ZNF804B: variants seen among roughly 807,000 people sequenced by gnomAD.
ZNF804B encodes zinc finger 804B.
ZNF804B carries 80 observed loss-of-function variants against 101.4 expected under a neutral mutation model. The observed-to-expected ratio is 0.79, with a 90% CI of 0.66 to 0.95. The LOEUF is 0.95. Among genes scored for constraint, ZNF804B ranks in the 40% least tolerant of loss-of-function variants. ZNF804B has a pLI of 0.00. For synonymous variants in ZNF804B, 622 were observed against 558.8 expected, an observed-to-expected ratio of 1.11 and a Z score of -1.59; for missense variants, 1,673 against 1,561.9, an observed-to-expected ratio of 1.07 and a Z score of -1.20.
intron 2 of ZNF804B, among the ~76,000 whole-genome samples, chr7:89,322,822 A>G (rs1195109150): frequency 2.0e-5 from 3 of 152,188 alleles, no homozygotes; most frequent in Non-Finnish European, 4.4e-5. Flanking sequence ...CCAGGAAAAC[A>G]TGGCTTCAGT....
At chr7:88,979,722 C>A (rs1793668924) in intron 1 of ZNF804B, among the ~76,000 whole-genome samples, 2 of 150,568 alleles carry the variant, frequency 1.3e-5, no homozygotes, top group South Asian at 4.2e-4. Flanking sequence ...TGTTCTATAA[C>A]CTTCTTGTAC....
intron 1 of ZNF804B, among the ~76,000 whole-genome samples, chr7:89,195,094 G>T (rs1406878899): frequency 2.0e-5 from 3 of 151,314 alleles, no homozygotes; most frequent in Non-Finnish European, 4.4e-5. Flanking sequence ...AAAACCACAT[G>T]ATTATCTCAA....
intron 1 of ZNF804B, among the ~76,000 whole-genome samples, chr7:88,778,724 C>T (rs1468404536): frequency 6.6e-6 from 1 of 152,176 alleles, no homozygotes; most frequent in African/African-American, 2.4e-5. Flanking sequence ...CCCTGCACTT[C>T]TCTTACCACT....
chr7:88,937,115 C>CAAAAAAAA lies in ZNF804B; in HGVS notation c.108+177042_108+177049dup, dbSNP rs3034325. ...TGCTTTGAAAAAACTATGAGAATAG[C>CAAAAAAAA]AAAAAAAAAAAAAAAAAAGTATTAT... On this transcript the variant is annotated intron_variant, in intron 1 of 3. Coordinates refer to ENST00000333190, the MANE Select transcript of ZNF804B (RefSeq NM_181646.5). Among the ~76,000 whole-genome samples, 17 of 110,920 alleles carry CAAAAAAAA rather than the reference C, an allele frequency of 1.5e-4. 1 individual carries two copies. The highest frequency in any genetic ancestry group is 5.8e-4 in the African/African-American group (17 of 29,134). 72.8% of individuals were successfully genotyped at this position (110,920 alleles called of 152,430 possible).
At chr7:89,056,393 G>A (rs969641934) in intron 1 of ZNF804B, among the ~76,000 whole-genome samples, 1 of 152,036 alleles carries the variant, frequency 6.6e-6, no homozygotes, top group African/African-American at 2.4e-5. Flanking sequence ...TGTATGTTTA[G>A]AAGTAAAATC....
intron 1 of ZNF804B, among the ~76,000 whole-genome samples, chr7:89,080,734 A>C (rs1029119710): frequency 1.3e-5 from 2 of 151,940 alleles, no homozygotes; most frequent in Admixed American, 1.3e-4. Flanking sequence ...ATCCCAAGGA[A>C]TAGGAGGTGA....
chr7:89,148,286 A>C lies in ZNF804B; in HGVS notation c.109-69869A>C, dbSNP rs1255989670. 2.0e-5 allele frequency among the ~76,000 whole-genome samples: 3 copies of C among 152,056 alleles called. No individual in the cohort carries two copies. The East Asian group carries it at 5.8e-4, about 29-fold the overall frequency. On this transcript the variant is annotated intron_variant, in intron 1 of 3. Coordinates refer to ENST00000333190, the MANE Select transcript of ZNF804B (RefSeq NM_181646.5). The stretch of plus-strand genomic sequence containing the variant: ...CCACCTCACACATAGTACTCTTCCA[A>C]AATTATTAGCTATTATTAGTGATTA...
intron 1 of ZNF804B, among the ~76,000 whole-genome samples, chr7:88,834,422 G>A (rs1791178605): frequency 6.6e-6 from 1 of 151,682 alleles, no homozygotes; most frequent in African/African-American, 2.4e-5. Context: ...AGAAAAACTA[G>A]TCATCTCCAG....
At chr7:89,180,535 C>A (rs746626778) in intron 1 of ZNF804B, among the ~76,000 whole-genome samples, 8 of 152,002 alleles carry the variant, frequency 5.3e-5, no homozygotes, top group Non-Finnish European at 7.4e-5. Context: ...GGGCTCCCTC[C>A]TGGCTCAAGG....
chr7:89,234,252 T>C (rs1789244619), intron 2 of ZNF804B, among the ~76,000 whole-genome samples: 1 of 152,098 alleles, frequency 6.6e-6, no homozygotes. Context: ...TATACTTCTG[T>C]GATATTCCCT....
chr7:89,050,352 C>A lies in ZNF804B; in HGVS notation c.109-167803C>A, dbSNP rs183780413. 2.3e-3 allele frequency among the ~76,000 whole-genome samples: 348 copies of A among 152,158 alleles called. 3 individuals carry two copies. The highest frequency in any genetic ancestry group is 8.0e-3 in the African/African-American group (333 of 41,528). ...ATGGGATCAGAGTCTTAAAATAAAT[C>A]AATATTCATGTGGTCTAAAATGATT... On this transcript the variant is annotated intron_variant, in intron 1 of 3. Transcript: ENST00000333190.
At position 89,336,323 on chromosome 7, in the gene ZNF804B, T is replaced by G; in HGVS notation, c.3341T>G (p.Ile1114Arg). 6.2e-7 allele frequency: 1 copy of G among 1,613,910 alleles called. No homozygotes were observed. Among genetic ancestry groups the G allele is most frequent in the Non-Finnish European group, 8.5e-7 (1 of 1,179,974 alleles). The change falls in exon 4 of 4, where the codon ATA becomes AGA. Residue 1114 changes from isoleucine to arginine, a missense_variant. Physicochemically the swap from Ile to Arg is moderately conservative, Grantham distance 97. Coordinates refer to ENST00000333190, the MANE Select transcript of ZNF804B (RefSeq NM_181646.5). ...SMHINHVEGN[I>R]NSYYDRTMQK... ...CATATAAATCATGTAGAGGGAAATA[T>G]AAACTCTTACTATGACAGAACTATG...
chr7:88,811,297 C>T (rs1411466363), intron 1 of ZNF804B, among the ~76,000 whole-genome samples: 1 of 152,120 alleles, frequency 6.6e-6, no homozygotes, highest in East Asian at 1.9e-4. Flanking sequence ...ATTAAAACCA[C>T]AATGAGATAC....
At chr7:89,313,771 T>C (rs778333118) in intron 2 of ZNF804B, among the ~76,000 whole-genome samples, 1 of 152,196 alleles carries the variant, frequency 6.6e-6, no homozygotes, top group African/African-American at 2.4e-5. Context: ...GAAAATCAAA[T>C]GCATTGTGAA....
At chr7:89,268,539 G>T (rs1407141337) in intron 2 of ZNF804B, among the ~76,000 whole-genome samples, 1 of 151,242 alleles carries the variant, frequency 6.6e-6, no homozygotes, top group Non-Finnish European at 1.5e-5. Flanking sequence ...TCTATTCCAG[G>T]CAGCAAGGCA....
At chr7:88,927,412 A>G (rs190930935) in intron 1 of ZNF804B, among the ~76,000 whole-genome samples, 14 of 152,286 alleles carry the variant, frequency 9.2e-5, no homozygotes, top group Admixed American at 3.3e-4. Context: ...TAATACGTTC[A>G]AACACATGAA....
intron 2 of ZNF804B, among the ~76,000 whole-genome samples, chr7:89,275,207 C>T (rs1041884603): frequency 3.9e-5 from 6 of 151,958 alleles, no homozygotes; most frequent in Non-Finnish European, 8.8e-5. Context: ...ACTCCATCTT[C>T]TCTTTTTCTT....
chr7:89,019,614 A>G (rs115493365), intron 1 of ZNF804B, among the ~76,000 whole-genome samples: 201 of 152,122 alleles, frequency 1.3e-3, no homozygotes, highest in African/African-American at 4.6e-3. Context: ...TGGCACAACC[A>G]TCTCTTTAGA....
intron 1 of ZNF804B, among the ~76,000 whole-genome samples, chr7:88,816,010 A>G (rs1467658121): frequency 6.6e-6 from 1 of 151,484 alleles, no homozygotes; most frequent in East Asian, 1.9e-4. Flanking sequence ...TTGCTATCCT[A>G]CTCCGACTCT....
Sources: allele counts gnomAD v4.1 joint callset (sites outside exome capture counted in the v4.1 genomes callset), GRCh38; gene constraint gnomAD v4.1.1; transcripts MANE v1.5; gene names NCBI Gene and HGNC (gene_info 2026-07-23, HGNC 2026-07-21).